Variants in ITIH5 observed in about 807,000 individuals in gnomAD.
The protein encoded by ITIH5 is inter-alpha-trypsin inhibitor heavy chain 5.
In ITIH5, 65 loss-of-function variants were observed where a neutral mutation model predicts 77.5. That is an observed-to-expected ratio of 0.84 (90% confidence interval 0.69 to 1.03). The LOEUF (loss-of-function observed/expected upper bound fraction) is 1.03, where lower values mean the gene tolerates loss of function less well. Among genes scored for constraint, ITIH5 ranks in the 50% least tolerant of loss-of-function variants. ITIH5 has a pLI of 0.00. For synonymous variants in ITIH5, 525 were observed against 494.3 expected (o/e 1.06, Z -0.82); for missense variants, 1,208 against 1,213.1 (o/e 1.00, Z 0.06).
chr10:7,617,482 C>T (rs1833393575), intron 5 of ITIH5, 200 bp from the exon 6 acceptor site: 2 of 402,584 alleles, frequency 5.0e-6, no homozygotes, highest in African/African-American at 2.1e-5. Context: ...TCTTTTTGAA[C>T]CTTTTCTTAT....
chr10:7,579,945 T>C lies in ITIH5; in HGVS notation c.1228A>G (p.Thr410Ala). 3.1e-6 allele frequency: 5 copies of C among 1,614,190 alleles called. No homozygotes were observed. Among genetic ancestry groups the C allele is most frequent in the Non-Finnish European group, 4.2e-6 (5 of 1,180,030 alleles). Residue 410 changes from threonine to alanine, a missense_variant, in exon 9 of 14, where the codon ACG becomes GCG. Transcript: ENST00000397146. ...TTGAGGGTGTGCGTCTCCCCGACCG[T>C]GGGCTTCCCATCCGTCAGGAAGACG... ...LIVFLTDGKP[T>A]VGETHTLKIL...
At chr10:7,628,793 A>T (rs1833638343) in intron 5 of ITIH5, among the ~76,000 whole-genome samples, 1 of 120,942 alleles carries the variant, frequency 8.3e-6, no homozygotes. Flanking sequence ...ATGTTATCAT[A>T]TGTATCTGTG....
intron 9 of ITIH5, chr10:7,578,481 A>G (rs1019878525): frequency 6.1e-6 from 1 of 163,764 alleles, no homozygotes; most frequent in Non-Finnish European, 1.5e-5. Context: ...TATCCAGTGT[A>G]TCAGATTCTC....
In ITIH5 at chr10:7,576,323, C is replaced by T; in HGVS notation, c.1978+130G>A. ...ACAGGTGTGAGCTACTATACCCGGT[C>T]TGGGTTATTGTTTATAAGTATTATA... On this transcript the variant is annotated intron_variant, in intron 10 of 13. Transcript: ENST00000397146. The T allele has an allele frequency of 3.5e-6, 3 of 852,346 alleles. No homozygotes were observed. The South Asian group carries it at 5.6e-5, about 16-fold the overall frequency. 52.8% of individuals were successfully genotyped at this position (852,346 alleles called of 1,614,324 possible). A position where few individuals can be genotyped will look rare whatever the true frequency, so the allele number is the denominator to read the frequency against.
intron 7 of ITIH5, among the ~76,000 whole-genome samples, chr10:7,591,398 C>T (rs34672359): frequency 0.28 from 43,114 of 151,962 alleles, 6,461 homozygotes; most frequent in East Asian, 0.49. Flanking sequence ...CTTCCTGACA[C>T]GTTGAGCTGT....
intron 13 of ITIH5, 80 bp from the exon 14 acceptor site, chr10:7,563,464 G>A (rs1832078918): frequency 2.3e-6 from 3 of 1,305,974 alleles, no homozygotes; most frequent in Non-Finnish European, 2.1e-6. Context: ...AGCTATCAGT[G>A]GCAGAAAGGC....
At chr10:7,581,721 C>CTTTTTTTTTTTTTTTTTTTT in intron 8 of ITIH5, among the ~76,000 whole-genome samples, 1 of 101,724 alleles carries the variant, frequency 9.8e-6, no homozygotes, top group Non-Finnish European at 1.9e-5. Context: ...TCTTTTCCTT[C>CTTTTTTTTTTTTTTTTTTTT]TTTTTTTTTT....
At chr10:7,627,556 G>GCTT (rs1468817606) in intron 5 of ITIH5, among the ~76,000 whole-genome samples, 1 of 152,060 alleles carries the variant, frequency 6.6e-6, no homozygotes, top group Non-Finnish European at 1.5e-5. Context: ...TTCCAATGAC[G>GCTT]CTTCCTCAGT....
chr10:7,600,824 C>A (rs1477470066), intron 7 of ITIH5, among the ~76,000 whole-genome samples: 1 of 152,180 alleles, frequency 6.6e-6, no homozygotes, highest in Non-Finnish European at 1.5e-5. Flanking sequence ...AGTGAGCTAG[C>A]TAGCTACTCC....
chr10:7,594,491 A>G lies in ITIH5; in HGVS notation c.940-8422T>C, dbSNP rs375666517. On this transcript the variant is annotated intron_variant, in intron 7 of 13. Coordinates refer to ENST00000397146, the MANE Select transcript of ITIH5 (RefSeq NM_030569.7). ...CATGAAGTTAATTCCTTAAAAGATGACCACAGGGGGCTGTGGAAATGTCTT... is the reference window on the plus strand; with the variant it reads ...CATGAAGTTAATTCCTTAAAAGATGGCCACAGGGGGCTGTGGAAATGTCTT... 2.9e-3 allele frequency among the ~76,000 whole-genome samples: 449 copies of G among 152,230 alleles called. 3 individuals carry two copies. Among genetic ancestry groups the G allele is most frequent in the African/African-American group, 0.011 (439 of 41,530 alleles).
rs1034188661 is a variant in ITIH5 at position 7,591,989 on chromosome 10, G to A, written c.940-5920C>T. On this transcript the variant is annotated intron_variant, in intron 7 of 13. Coordinates refer to ENST00000397146, the MANE Select transcript of ITIH5 (RefSeq NM_030569.7). ...GGGTTCAAGCAATTCTCCCGCCTCA[G>A]CCTCCTGAGTAGCTGGGGCTACAGG... Among the ~76,000 whole-genome samples, 8 of 152,288 alleles carry A rather than the reference G, an allele frequency of 5.3e-5. No individual in the cohort carries two copies. In the South Asian group the frequency reaches 6.2e-4, roughly 12 times the overall value.
chr10:7,621,035 T>C (rs1199949159), intron 5 of ITIH5: 1 of 152,196 alleles, frequency 6.6e-6, no homozygotes, highest in African/African-American at 2.4e-5. Context: ...AGTCAGAAAC[T>C]CTGGGGATGG....
intron 7 of ITIH5, among the ~76,000 whole-genome samples, chr10:7,604,503 CTT>C (rs1833083103): frequency 6.6e-6 from 1 of 152,240 alleles, no homozygotes; most frequent in African/African-American, 2.4e-5. Context: ...TTCTGAGACT[CTT>C]AGATTGTGTC....
intron 2 of ITIH5, among the ~76,000 whole-genome samples, chr10:7,653,918 G>A (rs1834140317): frequency 6.6e-6 from 1 of 152,156 alleles, no homozygotes; most frequent in African/African-American, 2.4e-5. Context: ...ACTTTGGGAG[G>A]CCGAGGTGGG....
At chr10:7,602,547 T>G (rs1360499792) in intron 7 of ITIH5, among the ~76,000 whole-genome samples, 1 of 152,216 alleles carries the variant, frequency 6.6e-6, no homozygotes, top group African/African-American at 2.4e-5. Context: ...GCACTCACTC[T>G]GTCCTGCTGC....
At chr10:7,623,039 C>G (rs1321202668) in intron 5 of ITIH5, among the ~76,000 whole-genome samples, 6 of 152,186 alleles carry the variant, frequency 3.9e-5, no homozygotes, top group Admixed American at 6.5e-5. Context: ...CAATCTTTTC[C>G]TAGACAATTA....
At chr10:7,615,802 C>A (rs578239507) in intron 7 of ITIH5, among the ~76,000 whole-genome samples, 180 bp downstream of exon 7, 3 of 152,200 alleles carry the variant, frequency 2.0e-5, no homozygotes, top group Admixed American at 1.3e-4. Flanking sequence ...AAAACCACCA[C>A]GCTGAAATAC....
In ITIH5 at chr10:7,655,653, T is replaced by C. The variant is rs1365427502; in HGVS notation, c.113A>G (p.Gln38Arg). The C allele has an allele frequency of 2.5e-6, 4 of 1,613,072 alleles. No individual in the cohort carries two copies. The Admixed American group carries it at 5.0e-5, about 20-fold the overall frequency. ...TACCAGCCTCTGCAACAGTCTGACT[T>C]GCCTCGGGACCCTGAGTCCATCCTA... ...SEQDGLRVPR[Q>R]VRLLQRLKTK... Residue 38 changes from glutamine to arginine, a missense_variant, in exon 2 of 14, where the codon CAA (glutamine) becomes CGA (arginine). Coordinates refer to ENST00000397146, the MANE Select transcript of ITIH5 (RefSeq NM_030569.7).
chr10:7,647,964 C>T (rs2131095210), intron 2 of ITIH5, among the ~76,000 whole-genome samples: 1 of 152,136 alleles, frequency 6.6e-6, no homozygotes, highest in African/African-American at 2.4e-5. Context: ...AACACAGTGG[C>T]CGGGCACAGT....
Sources: gnomAD v4.1 joint callset for allele counts (sites outside exome capture counted in the v4.1 genomes callset) on GRCh38, gnomAD v4.1.1 for gene constraint, MANE v1.5 for transcripts, NCBI Gene and HGNC (gene_info 2026-07-23, HGNC 2026-07-21) for gene names.